Variants in TRABD2A observed in about 807,000 individuals in gnomAD.
The protein encoded by TRABD2A is metalloprotease TIKI1.
TRABD2A carries 43 observed loss-of-function variants against 45.6 expected under a neutral mutation model. That is an observed-to-expected ratio of 0.94 (90% CI 0.74 to 1.22). TRABD2A has a LOEUF of 1.22. Among genes scored for constraint, TRABD2A ranks in the 50% most tolerant of loss-of-function variants. TRABD2A has a pLI of 0.00. For missense variants in TRABD2A, 642 were observed against 652.4 expected (o/e 0.98, Z 0.17); for synonymous variants, 269 against 265.0 (o/e 1.02, Z -0.15).
Position 84,821,943 on chromosome 2 carries a change from A to G in TRABD2A, c.1492T>C (p.Phe498Leu). ...TPVFWVLVLA[F>L]QTETPLL The stretch of plus-strand genomic sequence containing the variant: ...TACAGGAGGGGTGTCTCTGTTTGGA[A>G]AGCCAGCACCAGCACCCAGAACACA... The change falls in exon 7 of 7, where the codon TTC (phenylalanine) becomes CTC (leucine). Residue 498 changes from phenylalanine (F) to leucine (L), a missense_variant. Physicochemically the swap from Phe to Leu is conservative, Grantham distance 22. Coordinates refer to ENST00000409520, the MANE Select transcript of TRABD2A (RefSeq NM_001277053.2). 6.2e-7 allele frequency: 1 copy of G among 1,603,532 alleles called. No homozygotes were observed.
intron 6 of TRABD2A, 117 bp from the exon 7 acceptor site, chr2:84,822,217 G>T: frequency 1.2e-6 from 1 of 859,486 alleles, no homozygotes; most frequent in East Asian, 2.9e-5. Flanking sequence ...GACAGGAATG[G>T]GTATTAGTAT....
At chr2:84,822,156 G>T (rs141418106) in intron 6 of TRABD2A, 56 bp from the exon 7 acceptor site, 2 of 1,434,720 alleles carry the variant, frequency 1.4e-6, no homozygotes, top group Non-Finnish European at 1.9e-6. Context: ...CACTGCACAC[G>T]CCAAGGCCCC....
chr2:84,850,672 T>C (rs1429307862), intron 2 of TRABD2A: 2 of 152,172 alleles, frequency 1.3e-5, no homozygotes, highest in African/African-American at 4.8e-5. Context: ...TGTTACTGTA[T>C]TACCAGCTCC....
intron 3 of TRABD2A, 74 bp from the exon 4 acceptor site, chr2:84,839,397 A>G (rs1681634261): frequency 1.4e-6 from 2 of 1,413,546 alleles, no homozygotes; most frequent in South Asian, 1.3e-5. Flanking sequence ...TGGAGCATCA[A>G]ATCCCCCAAC....
chr2:84,858,890 G>A (rs1015534191), intron 2 of TRABD2A, among the ~76,000 whole-genome samples: 2 of 152,350 alleles, frequency 1.3e-5, no homozygotes, highest in Middle Eastern at 6.8e-3. Context: ...TGCTTTGGGA[G>A]GCAGAGGTGG....
chr2:84,849,179 G>A (rs1682002973), intron 2 of TRABD2A, among the ~76,000 whole-genome samples: 1 of 152,022 alleles, frequency 6.6e-6, no homozygotes, highest in Non-Finnish European at 1.5e-5. Context: ...TCTGCTCTGG[G>A]CTCAGGCTGC....
chr2:84,861,622 T>G (rs955238108), intron 2 of TRABD2A, among the ~76,000 whole-genome samples: 5 of 152,180 alleles, frequency 3.3e-5, no homozygotes, highest in African/African-American at 1.2e-4. Flanking sequence ...CTACAGCATT[T>G]CAAAGTCACT....
intron 2 of TRABD2A, among the ~76,000 whole-genome samples, chr2:84,863,860 C>T (rs1682588682): frequency 1.3e-5 from 2 of 152,108 alleles, no homozygotes; most frequent in South Asian, 4.1e-4. Context: ...GGGAAGAGTT[C>T]TCTTTCAGAA....
At chr2:84,868,529 CTAGTTAAT>C (rs1682764531) in intron 2 of TRABD2A, among the ~76,000 whole-genome samples, 1 of 149,180 alleles carries the variant, frequency 6.7e-6, no homozygotes, top group African/African-American at 2.6e-5. Flanking sequence ...AATTAGTTAA[CTAGTTAAT>C]TAGTTAATTA....
intron 2 of TRABD2A, among the ~76,000 whole-genome samples, chr2:84,852,537 GTTGCTAGC>G (rs1273916534): frequency 1.3e-5 from 2 of 152,176 alleles, no homozygotes; most frequent in African/African-American, 4.8e-5. Flanking sequence ...GGTGGCAGGA[GTTGCTAGC>G]TTGGCTATCA....
At chr2:84,851,759 C>T (rs1226117956) in intron 2 of TRABD2A, among the ~76,000 whole-genome samples, 1 of 152,208 alleles carries the variant, frequency 6.6e-6, no homozygotes, top group East Asian at 1.9e-4. Flanking sequence ...GTAATATACA[C>T]ATGTTCAACG....
chr2:84,824,465 A>G (rs941922426), intron 5 of TRABD2A, among the ~76,000 whole-genome samples: 3 of 151,932 alleles, frequency 2.0e-5, no homozygotes, highest in Non-Finnish European at 4.4e-5. Flanking sequence ...AGATTTTTAA[A>G]CTATTACATG....
chr2:84,828,841 G>A (rs1268616769), intron 5 of TRABD2A, among the ~76,000 whole-genome samples: 1 of 152,158 alleles, frequency 6.6e-6, no homozygotes, highest in Admixed American at 6.5e-5. Context: ...GGTTCCTTGG[G>A]GTCATGCACA....
intron 3 of TRABD2A, among the ~76,000 whole-genome samples, chr2:84,840,985 C>T (rs1310293878): frequency 6.6e-6 from 1 of 152,168 alleles, no homozygotes; most frequent in African/African-American, 2.4e-5. Context: ...CACATGTCTC[C>T]TTATGGTTGG....
intron 3 of TRABD2A, among the ~76,000 whole-genome samples, 156 bp downstream of exon 3, chr2:84,841,705 T>C (rs1681714947): frequency 1.3e-5 from 2 of 152,252 alleles, no homozygotes; most frequent in South Asian, 4.1e-4. Context: ...TCATTCGCTG[T>C]AGTGCCTCAT....
chr2:84,874,718 T>C, intron 1 of TRABD2A: 2 of 225,684 alleles, frequency 8.9e-6, no homozygotes, highest in South Asian at 1.5e-4. Flanking sequence ...CCCCTGCGTC[T>C]GTCTCCAAAA....
rs1327731476 is a variant in TRABD2A, at chr2:84,876,721, A to AT, written c.108+4210dup. 2.0e-5 allele frequency among the ~76,000 whole-genome samples: 3 copies of AT among 152,144 alleles called. No individual in the cohort carries two copies. In the East Asian group the frequency reaches 5.8e-4, roughly 29 times the overall value. ...TCAGAGTCATATCTTTTTTCAGTTA[A>AT]TACCCTGCTAGTTGTATTGTTGCTG... On this transcript the variant is annotated intron_variant, in intron 1 of 6. Coordinates refer to ENST00000409520, the MANE Select transcript of TRABD2A (RefSeq NM_001277053.2).
In TRABD2A at chr2:84,870,510, C is replaced by T. The variant is rs751150948; in HGVS notation, c.384G>A (p.Glu128=). 4 of 1,614,040 alleles carry T rather than the reference C, an allele frequency of 2.5e-6. No individual in the cohort carries two copies. Among genetic ancestry groups the T allele is most frequent in the Non-Finnish European group, 3.4e-6 (4 of 1,179,908 alleles). ...DIYCRLKRHL[E]YVKLMMPLWM... ...ACAAGGGCATCATGAGCTTGACATACTCCAGGTGGCGCTTGAGGCGGCAGT... is the reference window on the plus strand; with the variant it reads ...ACAAGGGCATCATGAGCTTGACATATTCCAGGTGGCGCTTGAGGCGGCAGT... Residue 128 remains glutamate, a synonymous_variant, in exon 2 of 7, where the codon GAG becomes GAA. Transcript: ENST00000409520.
chr2:84,880,583 A>C (rs780412751), intron 1 of TRABD2A, among the ~76,000 whole-genome samples: 24 of 152,246 alleles, frequency 1.6e-4, no homozygotes, highest in African/African-American at 2.4e-4. Flanking sequence ...AGAAACTTCA[A>C]ATAAATGTGC....
Sources: allele counts gnomAD v4.1 joint callset (sites outside exome capture counted in the v4.1 genomes callset), GRCh38; gene constraint gnomAD v4.1.1; transcripts MANE v1.5; gene names NCBI Gene and HGNC (gene_info 2026-07-23, HGNC 2026-07-21).